Variants in HECW2 observed in about 807,000 individuals in gnomAD.
HECW2 encodes the protein E3 ubiquitin-protein ligase HECW2.
A neutral mutation model predicts 175.2 loss-of-function variants in HECW2; 61 were observed. The observed-to-expected ratio is 0.35, with a 90% confidence interval of 0.28 to 0.43. HECW2 has a LOEUF of 0.43. HECW2 is among the 20% of genes least tolerant of loss of function. HECW2 has a pLI of 1.00. For synonymous variants in HECW2, 671 were observed against 731.0 expected (o/e 0.92, Z 1.32); for missense variants, 1,524 against 2,000.5 (o/e 0.76, Z 4.54).
At chr2:196,484,944 T>C (rs1686952203) in intron 1 of HECW2, among the ~76,000 whole-genome samples, 1 of 152,154 alleles carries the variant, frequency 6.6e-6, no homozygotes, top group South Asian at 2.1e-4. Flanking sequence ...ATGAAACTGT[T>C]AGAGGTTCTG....
chr2:196,314,251 G>A (rs1691607877), intron 10 of HECW2, among the ~76,000 whole-genome samples: 5 of 152,218 alleles, frequency 3.3e-5, no homozygotes, highest in Admixed American at 3.3e-4. Flanking sequence ...CCCAGAAGAA[G>A]AGAAAGCTGA....
chr2:196,564,470 G>T (rs2125503917), intron 1 of HECW2, among the ~76,000 whole-genome samples: 1 of 152,212 alleles, frequency 6.6e-6, no homozygotes, highest in South Asian at 2.1e-4. Context: ...CAGGAAGTGT[G>T]GAAGTATTCA....
chr2:196,242,034 C>A, intron 20 of HECW2, 50 bp downstream of exon 20: 1 of 1,573,674 alleles, frequency 6.4e-7, no homozygotes, highest in Admixed American at 1.7e-5. Context: ...CAACTGTGCC[C>A]TCTCCTTTCA....
chr2:196,271,987 CCAA>C (rs1478642260), intron 16 of HECW2, among the ~76,000 whole-genome samples: 3 of 152,110 alleles, frequency 2.0e-5, no homozygotes, highest in African/African-American at 7.2e-5. Context: ...GATGAGGTCA[CCAA>C]CGAGATTCTA....
At chr2:196,480,849 C>T (rs1686818785) in intron 1 of HECW2, among the ~76,000 whole-genome samples, 1 of 152,160 alleles carries the variant, frequency 6.6e-6, no homozygotes, top group Non-Finnish European at 1.5e-5. Context: ...CTCATGTTTC[C>T]CTCTGTGCAT....
chr2:196,296,158 GTA>G (rs1053506438), intron 13 of HECW2, among the ~76,000 whole-genome samples: 2 of 151,950 alleles, frequency 1.3e-5, no homozygotes, highest in East Asian at 1.9e-4. Context: ...TTATGTGTGT[GTA>G]TATATATATG....
chr2:196,386,786 G>C (rs1012242555), intron 2 of HECW2, among the ~76,000 whole-genome samples: 4 of 152,048 alleles, frequency 2.6e-5, no homozygotes, highest in Non-Finnish European at 4.4e-5. Context: ...ACTGCCAATA[G>C]TGCTAAACAA....
chr2:196,375,190 G>GA (rs1694019085), intron 2 of HECW2, among the ~76,000 whole-genome samples: 1 of 150,906 alleles, frequency 6.6e-6, no homozygotes, highest in Non-Finnish European at 1.5e-5. Flanking sequence ...AAAAGAAAAA[G>GA]AAAACTAGTT....
At chr2:196,256,698 GAAACATCACACTCT>G in intron 18 of HECW2, among the ~76,000 whole-genome samples, 1 of 152,058 alleles carries the variant, frequency 6.6e-6, no homozygotes, top group East Asian at 1.9e-4. Context: ...AACCATGATA[GAAACATCACACTCT>G]AACGTTAATT....
At chr2:196,544,482 A>G (rs912637524) in intron 1 of HECW2, among the ~76,000 whole-genome samples, 4 of 152,166 alleles carry the variant, frequency 2.6e-5, no homozygotes, top group African/African-American at 9.7e-5. Flanking sequence ...CCAACTCCTG[A>G]TTGCTGTAAC....
At chr2:196,264,081 A>T (rs975634275) in intron 17 of HECW2, 4 of 152,212 alleles carry the variant, frequency 2.6e-5, no homozygotes, top group African/African-American at 9.6e-5. Flanking sequence ...TGTTATTAAC[A>T]TAGAAGGGAT....
intron 1 of HECW2, among the ~76,000 whole-genome samples, chr2:196,579,904 C>T (rs1474030104): frequency 6.6e-6 from 1 of 152,134 alleles, no homozygotes. Flanking sequence ...TCTTATACTT[C>T]CAGCCTCCAG....
In HECW2 at chr2:196,307,236, A is replaced by G; in HGVS notation, c.2586-3T>C. On this transcript the variant is annotated splice_polypyrimidine_tract_variant and splice_region_variant and intron_variant, in intron 11 of 28. Coordinates refer to ENST00000644978, the MANE Select transcript of HECW2 (RefSeq NM_001348768.2). The stretch of plus-strand genomic sequence containing the variant: ...TGGTTCTGCGGATACTCTGATATCT[A>G]AAATCATGAGCCTAGAGTTACATTC... The G allele has an allele frequency of 6.3e-7, 1 of 1,591,614 alleles. No individual in the cohort carries two copies. Among genetic ancestry groups the G allele is most frequent in the Non-Finnish European group, 8.6e-7 (1 of 1,159,492 alleles).
intron 1 of HECW2, among the ~76,000 whole-genome samples, chr2:196,480,471 A>T (rs1686803090): frequency 6.6e-6 from 1 of 152,194 alleles, no homozygotes; most frequent in Non-Finnish European, 1.5e-5. Context: ...AGAGAAGAGG[A>T]TCCCAGCCTA....
chr2:196,442,659 T>C (rs1696073780), intron 1 of HECW2, among the ~76,000 whole-genome samples: 3 of 152,226 alleles, frequency 2.0e-5, no homozygotes, highest in Admixed American at 6.5e-5. Flanking sequence ...AATTTGTTCA[T>C]GCTATAAGGT....
intron 2 of HECW2, among the ~76,000 whole-genome samples, chr2:196,367,876 T>TG (rs1553508124): frequency 9.0e-5 from 13 of 145,002 alleles, no homozygotes; most frequent in East Asian, 5.9e-4. Flanking sequence ...GTGTGTGTGT[T>TG]TGTGTGTGTG....
intron 1 of HECW2, among the ~76,000 whole-genome samples, chr2:196,454,769 C>T (rs1696453143): frequency 6.6e-6 from 1 of 152,168 alleles, no homozygotes. Context: ...CAAATCTCAG[C>T]TCTGCCATGC....
chr2:196,433,310 T>C lies in HECW2; in HGVS notation c.114A>G (p.Pro38=). The C allele has an allele frequency of 6.2e-7, 1 of 1,614,134 alleles. No homozygotes were observed. Among genetic ancestry groups the C allele is most frequent in the South Asian group, 1.1e-5 (1 of 91,070 alleles). Residue 38 remains proline (P), a synonymous_variant, in exon 2 of 29, where the codon CCA becomes CCG. Coordinates refer to ENST00000644978, the MANE Select transcript of HECW2 (RefSeq NM_001348768.2). ...LQSLAAQSSM[P]ENMTLQRANS... ...TGGCCCGCTGCAGGGTCATGTTCTC[T>C]GGCATGGAGCTCTGGGCGGCAAGGC...
intron 1 of HECW2, among the ~76,000 whole-genome samples, chr2:196,462,963 C>A (rs1355953992): frequency 6.6e-6 from 1 of 152,182 alleles, no homozygotes; most frequent in African/African-American, 2.4e-5. Flanking sequence ...TCCACTCACA[C>A]CAGCAGTGAA....
Sources: gnomAD v4.1 joint callset for allele counts (sites outside exome capture counted in the v4.1 genomes callset) on GRCh38, gnomAD v4.1.1 for gene constraint, MANE v1.5 for transcripts, NCBI Gene and HGNC (gene_info 2026-07-23, HGNC 2026-07-21) for gene names.